The following CCNY variants were observed in gnomAD, a reference collection of about 807,000 sequenced individuals.
CCNY encodes the protein cyclin Y.
CCNY carries 19 observed loss-of-function variants against 42.8 expected under a neutral mutation model. The observed-to-expected ratio is 0.44, with a 90% confidence interval of 0.31 to 0.65. The LOEUF (loss-of-function observed/expected upper bound fraction) is 0.65, where lower values mean the gene tolerates loss of function less well. Ranked by LOEUF, CCNY falls within the 30% of genes least tolerant of loss-of-function variation. The pLI, the probability that CCNY is intolerant of heterozygous loss-of-function variation, is 0.07. For synonymous variants in CCNY, 165 were observed against 162.7 expected, an observed-to-expected ratio of 1.01 and a Z score of -0.11; for missense variants, 370 against 437.3, an observed-to-expected ratio of 0.85 and a Z score of 1.37.
At chr10:35,454,544 G>C (rs1219060990) in intron 1 of CCNY, among the ~76,000 whole-genome samples, 2 of 152,330 alleles carry the variant, frequency 1.3e-5, no homozygotes, top group African/African-American at 2.4e-5. Context: ...CATCAGCAGA[G>C]GAGCATCTTC....
intron 1 of CCNY, among the ~76,000 whole-genome samples, chr10:35,337,936 G>A (rs1480569289): frequency 6.6e-6 from 1 of 152,120 alleles, no homozygotes; most frequent in African/African-American, 2.4e-5. Context: ...AAAAAGCTAA[G>A]ACTAATTACT....
intron 3 of CCNY, among the ~76,000 whole-genome samples, chr10:35,510,144 G>T (rs746959506): frequency 1.4e-4 from 22 of 152,110 alleles, no homozygotes; most frequent in Non-Finnish European, 2.8e-4. Context: ...CATATTTAGA[G>T]ATTTCATTTA....
At chr10:35,342,522 T>C (rs1351699022) in intron 1 of CCNY, among the ~76,000 whole-genome samples, 1 of 152,220 alleles carries the variant, frequency 6.6e-6, no homozygotes, top group Admixed American at 6.5e-5. Context: ...TTTTCATGTT[T>C]CTCTTTCACT....
intron 3 of CCNY, among the ~76,000 whole-genome samples, chr10:35,261,239 A>ATTT (rs58071660): frequency 3.0e-5 from 4 of 132,190 alleles, no homozygotes; most frequent in Non-Finnish European, 3.2e-5. Flanking sequence ...AAAAAAAAAA[A>ATTT]TTTTTTTTTT....
chr10:35,256,464 T>C (rs4102764), intron 3 of CCNY, among the ~76,000 whole-genome samples: 55,396 of 151,936 alleles, frequency 0.36, 10,519 homozygotes, highest in African/African-American at 0.47. Flanking sequence ...GGCTGGGCGG[T>C]GGCTCACACC....
chr10:35,309,601 T>G (rs1179096918), intron 3 of CCNY, among the ~76,000 whole-genome samples: 1 of 151,852 alleles, frequency 6.6e-6, no homozygotes, highest in East Asian at 1.9e-4. Flanking sequence ...TTGAATTTTC[T>G]GTAGAGATGA....
intron 1 of CCNY, among the ~76,000 whole-genome samples, chr10:35,406,201 T>TTTTA (rs34172154): frequency 0.23 from 28,687 of 123,838 alleles, 3,264 homozygotes; most frequent in Non-Finnish European, 0.25. Flanking sequence ...TTCTTTTTTA[T>TTTTA]TTTATTTATT....
chr10:35,562,572 G>A (rs571152323), intron 8 of CCNY, among the ~76,000 whole-genome samples: 10 of 152,296 alleles, frequency 6.6e-5, no homozygotes, highest in East Asian at 3.9e-4. Context: ...TACAGTCTGT[G>A]TCCTTCTGTG....
upstream of CCNY, among the ~76,000 whole-genome samples, chr10:35,333,308 G>C (rs1367592753): frequency 6.6e-6 from 1 of 152,216 alleles, no homozygotes; most frequent in Non-Finnish European, 1.5e-5. Context: ...TGGAGATCCT[G>C]TGGCTAGATA....
Position 35,336,869 on chromosome 10 carries a change from T to C in CCNY, c.-185T>C. The C allele has an allele frequency of 6.1e-6, 1 of 163,638 alleles. No homozygotes were observed. Among genetic ancestry groups the C allele is most frequent in the Non-Finnish European group, 1.2e-5 (1 of 82,760 alleles). The allele number at this position is 163,638 out of a possible 1,614,324, so 10.1% of individuals were successfully genotyped here. On this transcript the variant is annotated 5_prime_UTR_variant, in exon 1 of 10. The change abolishes an upstream ATG in the 5' untranslated region. Coordinates refer to ENST00000374704, the MANE Select transcript of CCNY (RefSeq NM_145012.6). ...TCGCCGCCGCCGCCGCCGCCGCCCATGGCGAGGCCCCGCCGCCGCCGCCGC... is the reference window on the plus strand; with the variant it reads ...TCGCCGCCGCCGCCGCCGCCGCCCACGGCGAGGCCCCGCCGCCGCCGCCGC...
chr10:35,293,030 T>C (rs1835433260), intron 3 of CCNY, among the ~76,000 whole-genome samples: 1 of 151,972 alleles, frequency 6.6e-6, no homozygotes, highest in Non-Finnish European at 1.5e-5. Context: ...TCCACCCGCC[T>C]TGGCCTCCCA....
chr10:35,532,795 G>C (rs1003992562), intron 7 of CCNY, among the ~76,000 whole-genome samples: 1 of 152,216 alleles, frequency 6.6e-6, no homozygotes, highest in African/African-American at 2.4e-5. Flanking sequence ...GACTGATCCT[G>C]AGAACCATGC....
rs1242796983 is a variant in CCNY at position 35,474,760 on chromosome 10, G to A, written c.155-8644G>A. On this transcript the variant is annotated intron_variant, in intron 1 of 9. Coordinates refer to ENST00000374704, the MANE Select transcript of CCNY (RefSeq NM_145012.6). The stretch of plus-strand genomic sequence containing the variant: ...AGCGCCTCTCCTCCTCCAAAGGAAC[G>A]CAGCTCCTCACCAGCAACGGAACAA... Among the ~76,000 whole-genome samples the A allele has an allele frequency of 6.6e-5, 10 of 152,316 alleles. No individual in the cohort carries two copies. The South Asian group carries it at 8.3e-4, about 13-fold the overall frequency.
chr10:35,279,110 G>GTTT (rs869276523), intron 3 of CCNY, among the ~76,000 whole-genome samples: 90 of 102,776 alleles, frequency 8.8e-4, no homozygotes, highest in African/African-American at 1.4e-3. Context: ...AGCTTTCAAT[G>GTTT]TTTTTTTTTT....
At chr10:35,313,427 CTT>C (rs775897608) in intron 3 of CCNY, among the ~76,000 whole-genome samples, 87 of 152,334 alleles carry the variant, frequency 5.7e-4, no homozygotes, top group South Asian at 1.9e-3. Context: ...CTTCAGGTCT[CTT>C]TGCGCATGTA....
chr10:35,253,425 T>A lies in CCNY; in HGVS notation c.-9+2799T>A, dbSNP rs1186381810. Among the ~76,000 whole-genome samples the A allele has an allele frequency of 3.3e-4, 45 of 138,420 alleles. 1 individual carries two copies. Among genetic ancestry groups the A allele is most frequent in the South Asian group, 2.4e-3 (10 of 4,240 alleles). 90.8% of individuals were successfully genotyped at this position (138,420 alleles called of 152,430 possible). A position where few individuals can be genotyped will look rare whatever the true frequency, so the allele number is the denominator to read the frequency against. ...CCAGCATGCTCACTATTTTTTTTTT[T>A]TTTTTTTTTTTTTTTTTTGTAGAGA... On this transcript the variant is annotated intron_variant, in intron 3 of 11. Transcript: ENST00000374706.
intron 1 of CCNY, among the ~76,000 whole-genome samples, chr10:35,422,416 G>A (rs1406112037): frequency 6.6e-6 from 1 of 152,198 alleles, no homozygotes; most frequent in Non-Finnish European, 1.5e-5. Flanking sequence ...GTGTGGCCTT[G>A]TCTAAGCTCT....
At chr10:35,338,199 C>T (rs1280899937) in intron 1 of CCNY, among the ~76,000 whole-genome samples, 1 of 152,174 alleles carries the variant, frequency 6.6e-6, no homozygotes, top group Admixed American at 6.5e-5. Context: ...AACACAACTT[C>T]ATAATTCGTT....
At chr10:35,492,936 G>A (rs917299776) in intron 2 of CCNY, among the ~76,000 whole-genome samples, 3 of 152,048 alleles carry the variant, frequency 2.0e-5, no homozygotes, top group East Asian at 1.9e-4. Context: ...CAGCATGACC[G>A]TGCCACCCTC....
Sources: allele counts gnomAD v4.1 joint callset (sites outside exome capture counted in the v4.1 genomes callset), GRCh38; gene constraint gnomAD v4.1.1; transcripts MANE v1.5; gene names NCBI Gene and HGNC (gene_info 2026-07-23, HGNC 2026-07-21).